WDFY3: variants seen among roughly 807,000 people sequenced by gnomAD.
WDFY3 encodes the protein WD repeat and FYVE domain-containing protein 3.
A neutral mutation model predicts 409.6 loss-of-function variants in WDFY3; 66 were observed. The observed-to-expected ratio is 0.16, with a 90% confidence interval of 0.13 to 0.20. WDFY3 has a LOEUF of 0.20. Among genes scored for constraint, WDFY3 ranks in the 10% least tolerant of loss-of-function variants. The pLI is 1.00. For missense variants in WDFY3, 3,031 were observed against 4,298.1 expected, an observed-to-expected ratio of 0.71 and a Z score of 8.24; for synonymous variants, 1,521 against 1,537.1, an observed-to-expected ratio of 0.99 and a Z score of 0.25.
At chr4:84,927,147 A>G (rs1350820951) in intron 2 of WDFY3, among the ~76,000 whole-genome samples, 1 of 152,232 alleles carries the variant, frequency 6.6e-6, no homozygotes, top group Non-Finnish European at 1.5e-5. Flanking sequence ...ATAATTAAAC[A>G]ACTACTTATA....
intron 42 of WDFY3, 135 bp downstream of exon 42, chr4:84,736,035 A>C (rs984991819): frequency 2.2e-6 from 2 of 924,040 alleles, no homozygotes; most frequent in African/African-American, 3.4e-5. Flanking sequence ...AGAAATTCCC[A>C]TAGTCTGGAT....
rs1242453627 is a variant in WDFY3 at position 84,738,080 on chromosome 4, CAGAGAAT to C, written c.6575-721_6575-715del. 1.1e-4 allele frequency among the ~76,000 whole-genome samples: 17 copies of C among 152,204 alleles called. No homozygotes were observed. In the East Asian group the frequency reaches 3.3e-3, roughly 29 times the overall value. On this transcript the variant is annotated intron_variant, in intron 40 of 67. Transcript: ENST00000295888. ...GGTTCAAAACATTTTGGTGAAAGAA[CAGAGAAT>C]AAATTCATGTTTAAATGAAGGAATG...
intron 67 of WDFY3, among the ~76,000 whole-genome samples, chr4:84,673,310 T>C (rs1327691327): frequency 6.6e-6 from 1 of 152,214 alleles, no homozygotes; most frequent in East Asian, 1.9e-4. Context: ...TCTACCTGTG[T>C]AGACTAATTC....
intron 4 of WDFY3, among the ~76,000 whole-genome samples, chr4:84,855,281 T>C (rs1198267408): frequency 6.6e-6 from 1 of 152,228 alleles, no homozygotes; most frequent in East Asian, 1.9e-4. Context: ...TCTATCTGAT[T>C]CCAAGCCAGG....
chr4:84,894,840 T>G (rs903385541), intron 3 of WDFY3, among the ~76,000 whole-genome samples: 1 of 151,128 alleles, frequency 6.6e-6, no homozygotes, highest in African/African-American at 2.4e-5. Flanking sequence ...ATTCCAGTTA[T>G]TCAGGAGGCT....
chr4:84,755,511 A>G, intron 33 of WDFY3, 111 bp from the exon 34 acceptor site: 2 of 1,240,170 alleles, frequency 1.6e-6, no homozygotes, highest in Non-Finnish European at 2.2e-6. Flanking sequence ...GTTGTTTTTA[A>G]AAGTAACCAA....
chr4:84,863,951 A>T (rs1296983596), intron 3 of WDFY3, among the ~76,000 whole-genome samples: 5 of 152,120 alleles, frequency 3.3e-5, no homozygotes, highest in African/African-American at 1.2e-4. Context: ...TAGCTTTGTA[A>T]TATATTTTGA....
At chr4:84,822,232 T>C (rs890331686) in intron 10 of WDFY3, among the ~76,000 whole-genome samples, 3 of 152,080 alleles carry the variant, frequency 2.0e-5, no homozygotes, top group Admixed American at 6.6e-5. Flanking sequence ...AAAGTTCTAT[T>C]TGAAGTACAT....
At chr4:84,684,788 G>C (rs1728012034) in intron 62 of WDFY3, among the ~76,000 whole-genome samples, 2 of 152,184 alleles carry the variant, frequency 1.3e-5, no homozygotes. Flanking sequence ...TCCAAAGATA[G>C]AAAAGAACAA....
intron 15 of WDFY3, among the ~76,000 whole-genome samples, chr4:84,804,788 T>G (rs1222064549): frequency 6.6e-6 from 1 of 152,190 alleles, no homozygotes; most frequent in Non-Finnish European, 1.5e-5. Context: ...TCATTGCATA[T>G]ACACACATAC....
intron 66 of WDFY3, 114 bp from the exon 67 acceptor site, chr4:84,677,510 C>T: frequency 1.1e-6 from 1 of 939,696 alleles, no homozygotes; most frequent in Non-Finnish European, 1.5e-6. Flanking sequence ...GGTAAGGGTC[C>T]TGGAGAGACC....
chr4:84,775,781 T>G (rs979265960), intron 27 of WDFY3, among the ~76,000 whole-genome samples: 9 of 151,242 alleles, frequency 6.0e-5, no homozygotes, highest in Non-Finnish European at 8.9e-5. Context: ...GAAGAAACAT[T>G]AAGTGGACAA....
Position 84,709,120 on chromosome 4 carries a change from AGTTTC to A in WDFY3, c.8098-97_8098-93del, listed in dbSNP as rs1272010902. The A allele has an allele frequency of 1.5e-5, 23 of 1,521,090 alleles. No homozygotes were observed. The East Asian group carries it at 5.2e-4, about 34-fold the overall frequency. 94.2% of individuals were successfully genotyped at this position (1,521,090 alleles called of 1,614,324 possible). ...TTATATACAAAATGATGTAAAGGACAGTTTCTTTTTAACAGATTTCAGAACAATGA... is the reference window on the plus strand; with the variant it reads ...TTATATACAAAATGATGTAAAGGACATTTTTAACAGATTTCAGAACAATGA... On this transcript the variant is annotated intron_variant, in intron 52 of 67. Coordinates refer to ENST00000295888, the MANE Select transcript of WDFY3 (RefSeq NM_014991.6).
chr4:84,829,245 AT>A (rs1755311945), intron 8 of WDFY3, 55 bp from the exon 9 acceptor site: 1 of 1,403,216 alleles, frequency 7.1e-7, no homozygotes, highest in Non-Finnish European at 9.5e-7. Context: ...TCGCTTAAAA[AT>A]TTTTTAATTG....
intron 13 of WDFY3, 106 bp from the exon 14 acceptor site, chr4:84,810,450 GT>G: frequency 1.0e-6 from 1 of 994,140 alleles, no homozygotes; most frequent in Non-Finnish European, 1.4e-6. Context: ...AATCTGACAT[GT>G]TTTTATCATT....
chr4:84,682,474 A>G lies in WDFY3; in HGVS notation c.9727-4T>C, dbSNP rs1268816696. ...GCAAAAATTCCATTCTCCAAAACTA[A>G]ATTTAAATAAGTACAAAAATTAAAA... On this transcript the variant is annotated splice_region_variant and splice_polypyrimidine_tract_variant and intron_variant, in intron 63 of 67. Coordinates refer to ENST00000295888, the MANE Select transcript of WDFY3 (RefSeq NM_014991.6). The G allele has an allele frequency of 1.1e-5, 17 of 1,611,024 alleles. No individual in the cohort carries two copies. Among genetic ancestry groups the G allele is most frequent in the Non-Finnish European group, 8.5e-7 (1 of 1,178,716 alleles).
chr4:84,941,175 A>C (rs1411618998), intron 1 of WDFY3, among the ~76,000 whole-genome samples: 2 of 152,024 alleles, frequency 1.3e-5, no homozygotes, highest in African/African-American at 2.4e-5. Context: ...GGAAGAAGTA[A>C]AACTGTCTTT....
intron 1 of WDFY3, among the ~76,000 whole-genome samples, chr4:84,958,776 C>A (rs1305339472): frequency 1.3e-5 from 2 of 152,224 alleles, no homozygotes; most frequent in Non-Finnish European, 2.9e-5. Flanking sequence ...CAGCCAACCC[C>A]TTACTGTTCT....
At chr4:84,824,606 GAC>G (rs1754584292) in intron 10 of WDFY3, among the ~76,000 whole-genome samples, 2 of 152,168 alleles carry the variant, frequency 1.3e-5, no homozygotes. Context: ...GGGGAGGACT[GAC>G]TGCAAGGAGA....
Sources: allele counts gnomAD v4.1 joint callset (sites outside exome capture counted in the v4.1 genomes callset), GRCh38; gene constraint gnomAD v4.1.1; transcripts MANE v1.5; gene names NCBI Gene and HGNC (gene_info 2026-07-23, HGNC 2026-07-21).